Variants in ADAM22 observed in about 807,000 individuals in gnomAD.
ADAM22 encodes disintegrin and metalloproteinase domain-containing protein 22.
ADAM22 carries 65 observed loss-of-function variants against 144.6 expected under a neutral mutation model. The observed-to-expected ratio is 0.45, with a 90% CI of 0.37 to 0.55. The LOEUF is 0.55. Among genes scored for constraint, ADAM22 ranks in the 20% least tolerant of loss-of-function variants. The pLI is 0.00. For missense variants in ADAM22, 974 were observed against 1,184.9 expected (o/e 0.82, Z 2.61); for synonymous variants, 391 against 412.6 (o/e 0.95, Z 0.63).
chr7:88,030,951 C>A (rs1800105177), intron 3 of ADAM22, among the ~76,000 whole-genome samples: 1 of 152,098 alleles, frequency 6.6e-6, no homozygotes, highest in Non-Finnish European at 1.5e-5. Context: ...CCCATCTCTA[C>A]TAAAAATACA....
chr7:88,000,327 G>A (rs752897862), intron 3 of ADAM22, among the ~76,000 whole-genome samples: 1 of 152,110 alleles, frequency 6.6e-6, no homozygotes, highest in Non-Finnish European at 1.5e-5. Context: ...GCAAATCACA[G>A]TATAGAAGCT....
Position 88,006,399 on chromosome 7 carries a change from T to G in ADAM22, c.323+27987T>G, listed in dbSNP as rs1467763946. ...AGAGGGAATCCTCCCTAACTCATTT[T>G]ATGAGGCCAGCATCATCCTGATACC... is the stretch of plus-strand genomic sequence containing the variant. On this transcript the variant is annotated intron_variant, in intron 3 of 31. Transcript: ENST00000413139. Among the ~76,000 whole-genome samples, 3 of 152,094 alleles carry G rather than the reference T, an allele frequency of 2.0e-5. No individual in the cohort carries two copies. In the East Asian group the frequency reaches 5.8e-4, roughly 29 times the overall value.
At chr7:88,079,449 A>C (rs1585509544) in intron 4 of ADAM22, among the ~76,000 whole-genome samples, 2 of 152,352 alleles carry the variant, frequency 1.3e-5, no homozygotes, top group South Asian at 4.1e-4. Flanking sequence ...TAACGAGCAA[A>C]ATAACCAGCT....
intron 3 of ADAM22, among the ~76,000 whole-genome samples, chr7:88,066,612 A>G (rs1472644739): frequency 6.6e-6 from 1 of 152,154 alleles, no homozygotes; most frequent in Non-Finnish European, 1.5e-5. Context: ...ATAATTAATT[A>G]AGAGAAAACA....
intron 3 of ADAM22, among the ~76,000 whole-genome samples, chr7:87,988,227 G>A (rs1788923779): frequency 6.6e-6 from 1 of 152,158 alleles, no homozygotes; most frequent in African/African-American, 2.4e-5. Flanking sequence ...TCTACAAGCA[G>A]CAAGGCATAG....
At chr7:88,181,453 AAC>A (rs769389831) in intron 27 of ADAM22, 50 bp from the exon 28 acceptor site, 39 of 1,513,716 alleles carry the variant, frequency 2.6e-5, no homozygotes, top group Non-Finnish European at 3.6e-5. Context: ...CTGATCTCAA[AAC>A]ATTCATTTGG....
chr7:88,145,531 T>G, intron 17 of ADAM22, 24 bp downstream of exon 17: 1 of 1,578,966 alleles, frequency 6.3e-7, no homozygotes, highest in Non-Finnish European at 8.7e-7. Context: ...AATGACCATT[T>G]GACAGAAAAA....
At chr7:88,117,384 A>C (rs1828026889) in intron 7 of ADAM22, among the ~76,000 whole-genome samples, 1 of 152,258 alleles carries the variant, frequency 6.6e-6, no homozygotes, top group African/African-American at 2.4e-5. Flanking sequence ...AATGTCAAAA[A>C]TACAAATTTA....
At chr7:88,194,632 G>T (rs1313813196) in intron 31 of ADAM22, among the ~76,000 whole-genome samples, 1 of 152,108 alleles carries the variant, frequency 6.6e-6, no homozygotes, top group African/African-American at 2.4e-5. Context: ...TGACATTCAG[G>T]TTTTTCCCAA....
chr7:87,967,935 C>T (rs932518474), intron 2 of ADAM22, among the ~76,000 whole-genome samples: 47 of 151,368 alleles, frequency 3.1e-4, no homozygotes, highest in African/African-American at 1.1e-3. Context: ...CTTTTTCTTC[C>T]TTTTGTCTTT....
At chr7:88,122,236 A>AG (rs1253086693) in intron 7 of ADAM22, among the ~76,000 whole-genome samples, 2 of 152,176 alleles carry the variant, frequency 1.3e-5, no homozygotes, top group Non-Finnish European at 2.9e-5. Flanking sequence ...CTCCATAGGG[A>AG]AGCTCACAAC....
At chr7:88,010,815 A>G (rs535649879) in intron 3 of ADAM22, among the ~76,000 whole-genome samples, 1 of 152,354 alleles carries the variant, frequency 6.6e-6, no homozygotes, top group African/African-American at 2.4e-5. Context: ...GCTGAGGCCA[A>G]GGCTTGGTGT....
intron 2 of ADAM22, 134 bp downstream of exon 2, chr7:87,935,320 T>C (rs1231460656): frequency 3.0e-6 from 3 of 1,011,608 alleles, no homozygotes; most frequent in South Asian, 3.4e-5. Context: ...GAGTCATGCA[T>C]GGCGCTCCCT....
At chr7:88,038,451 CT>C (rs11344988) in intron 3 of ADAM22, among the ~76,000 whole-genome samples, 32,328 of 139,456 alleles carry the variant, frequency 0.23, 3,749 homozygotes, top group South Asian at 0.37. Context: ...CTCTGCTATT[CT>C]TTTTTTTTTT....
chr7:88,166,708 A>G (rs2129531157), intron 24 of ADAM22, among the ~76,000 whole-genome samples: 1 of 152,308 alleles, frequency 6.6e-6, no homozygotes, highest in Middle Eastern at 3.4e-3. Flanking sequence ...TGACTTTTAT[A>G]AAGAAAATCA....
At chr7:88,027,323 A>G (rs1314913480) in intron 3 of ADAM22, among the ~76,000 whole-genome samples, 1 of 152,108 alleles carries the variant, frequency 6.6e-6, no homozygotes, top group African/African-American at 2.4e-5. Flanking sequence ...ACTTCTTTAG[A>G]TGTTTAGTAA....
chr7:88,071,397 T>C (rs1442987747), intron 3 of ADAM22, among the ~76,000 whole-genome samples: 1 of 151,380 alleles, frequency 6.6e-6, no homozygotes, highest in Non-Finnish European at 1.5e-5. Context: ...AGTGATTTTT[T>C]TTTTTTTTTT....
intron 3 of ADAM22, among the ~76,000 whole-genome samples, chr7:88,014,640 G>C (rs947958196): frequency 2.6e-5 from 4 of 152,180 alleles, no homozygotes; most frequent in African/African-American, 9.7e-5. Context: ...CTACTCAGGA[G>C]GCTGAAGCAG....
intron 4 of ADAM22, among the ~76,000 whole-genome samples, chr7:88,096,492 C>CCA (rs1159862496): frequency 5.3e-5 from 8 of 150,786 alleles, no homozygotes; most frequent in Non-Finnish European, 1.0e-4. Flanking sequence ...TTGCTGTTGT[C>CCA]CACACACACA....
Sources: gnomAD v4.1 joint callset for allele counts (sites outside exome capture counted in the v4.1 genomes callset) on GRCh38, gnomAD v4.1.1 for gene constraint, MANE v1.5 for transcripts, NCBI Gene and HGNC (gene_info 2026-07-23, HGNC 2026-07-21) for gene names.